The following CCDC97 variants were observed in gnomAD, a reference collection of about 807,000 sequenced individuals.
CCDC97 encodes coiled-coil domain containing 97.
In CCDC97, 27 loss-of-function variants were observed where a neutral mutation model predicts 33.9. The ratio of observed to expected loss-of-function variants is 0.80; its 90% CI spans 0.59 to 1.10. CCDC97 has a LOEUF of 1.10. CCDC97 is among the 50% of genes least tolerant of loss of function. The pLI, the probability that CCDC97 is intolerant of heterozygous loss-of-function variation, is 0.00. For synonymous variants in CCDC97, 217 were observed against 194.0 expected (o/e 1.12, Z -0.99); for missense variants, 422 against 476.6 (o/e 0.89, Z 1.07).
In CCDC97 at chr19:41,316,384, G is replaced by A; in HGVS notation, c.47G>A (p.Gly16Asp). The change falls in exon 2 of 5, where the codon GGC becomes GAC. Residue 16 changes from glycine (G) to aspartate (D), a missense_variant and splice_region_variant. By Grantham distance (94) the Gly-to-Asp change is moderately conservative. Coordinates refer to ENST00000269967, the MANE Select transcript of CCDC97 (RefSeq NM_052848.3). ...TATAAKEPDK[G>D]CIEPGPGHWG... ...ACTAACCAATCTCTCCTTTCCTCAG[G>A]CTGCATAGAGCCTGGACCTGGGCAC... 1.2e-6 allele frequency: 2 copies of A among 1,606,694 alleles called. No individual in the cohort carries two copies. Among genetic ancestry groups the A allele is most frequent in the South Asian group, 1.1e-5 (1 of 90,780 alleles).
chr19:41,312,191 C>G (rs2037693695), intron 1 of CCDC97, among the ~76,000 whole-genome samples: 1 of 152,142 alleles, frequency 6.6e-6, no homozygotes, highest in Non-Finnish European at 1.5e-5. Context: ...TCAAGTGATT[C>G]CCGTGCCTCA....
chr19:41,322,216 A>G lies in CCDC97; in HGVS notation c.912-379A>G, dbSNP rs1349362704. On this transcript the variant is annotated intron_variant, in intron 4 of 4. Transcript: ENST00000269967. ...TGAAGTGAGCCTCCCGCCTCAGCCAACTGAGTAAGCTGGGACTACAGGTGC... is the reference window on the plus strand; with the variant it reads ...TGAAGTGAGCCTCCCGCCTCAGCCAGCTGAGTAAGCTGGGACTACAGGTGC... Among the ~76,000 whole-genome samples the G allele has an allele frequency of 2.0e-5, 3 of 152,102 alleles. No individual in the cohort carries two copies. The East Asian group carries it at 5.8e-4, about 29-fold the overall frequency.
Position 41,320,332 on chromosome 19 carries a change from C to T in CCDC97, c.782-9C>T. The T allele has an allele frequency of 6.2e-7, 1 of 1,613,700 alleles. No homozygotes were observed. Among genetic ancestry groups the T allele is most frequent in the African/African-American group, 1.3e-5 (1 of 75,046 alleles). On this transcript the variant is annotated splice_polypyrimidine_tract_variant and intron_variant, in intron 3 of 4. Coordinates refer to ENST00000269967, the MANE Select transcript of CCDC97 (RefSeq NM_052848.3). ...CCGCATTCACACCCCCTCTCCTCTC[C>T]CTCTGCAGACCAGAGGTCAGGCAAG...
intron 1 of CCDC97, among the ~76,000 whole-genome samples, chr19:41,316,045 G>A (rs1484373063): frequency 6.6e-6 from 1 of 151,762 alleles, no homozygotes; most frequent in Non-Finnish European, 1.5e-5. Context: ...AGTGAGCTGT[G>A]ATTGCGCCCT....
rs575323158 is a variant in CCDC97, at chr19:41,319,579, G to T, written c.508G>T (p.Glu170Ter). 1 of 1,596,302 alleles carries T rather than the reference G, an allele frequency of 6.3e-7. No homozygotes were observed. The highest frequency in any genetic ancestry group is 1.3e-5 in the African/African-American group (1 of 74,714). ...CCTGTCTCTCCTCTGTGCAGGGGGC[G>T]AGTACTTCAGTGATGAGCAGATGCG... is the stretch of plus-strand genomic sequence containing the variant. The part of the protein sequence containing the change: ...AALRELIQGG[E>*]YFSDEQMRFR... Residue 170 changes from glutamate (E) to a stop codon, truncating the protein, a stop_gained, in exon 3 of 5, where the codon GAG (glutamate) becomes TAG (stop). Transcript: ENST00000269967. LOFTEE classifies it high-confidence loss of function.
At chr19:41,310,386 G>A in intron 1 of CCDC97, 30 bp downstream of exon 1, 2 of 1,592,616 alleles carry the variant, frequency 1.3e-6, no homozygotes, top group Non-Finnish European at 1.7e-6. Flanking sequence ...CAGGCGGCGG[G>A]TGGGTGCGGT....
intron 2 of CCDC97, among the ~76,000 whole-genome samples, chr19:41,319,273 A>G (rs2037786656): frequency 6.6e-6 from 1 of 152,134 alleles, no homozygotes; most frequent in African/African-American, 2.4e-5. Context: ...ACGAGTAATC[A>G]CATGCACATG....
chr19:41,316,239 T>G (rs1193793790), intron 1 of CCDC97, 145 bp from the exon 2 acceptor site: 1 of 618,404 alleles, frequency 1.6e-6, no homozygotes, highest in Non-Finnish European at 2.9e-6. Context: ...AAATGTCAAC[T>G]TTTGCTCACT....
intron 1 of CCDC97, among the ~76,000 whole-genome samples, chr19:41,314,472 G>A (rs2037721755): frequency 6.6e-6 from 1 of 152,220 alleles, no homozygotes; most frequent in Admixed American, 6.5e-5. Context: ...GAGTGGTTGG[G>A]TGAACGCATG....
intron 4 of CCDC97, 118 bp from the exon 5 acceptor site, chr19:41,322,477 G>A: frequency 9.2e-7 from 1 of 1,083,604 alleles, no homozygotes; most frequent in Non-Finnish European, 1.3e-6. Flanking sequence ...CCCTTGGGAG[G>A]GTCAGCTCTG....
At chr19:41,321,364 G>A (rs2037823272) in intron 4 of CCDC97, among the ~76,000 whole-genome samples, 2 of 152,260 alleles carry the variant, frequency 1.3e-5, no homozygotes, top group African/African-American at 4.8e-5. Context: ...CATCACTGCT[G>A]TTCCCAAGCC....
chr19:41,310,463 C>A (rs2037669074), intron 1 of CCDC97, 107 bp downstream of exon 1: 10 of 1,517,000 alleles, frequency 6.6e-6, no homozygotes, highest in Admixed American at 4.0e-5. Flanking sequence ...GGGACACCCA[C>A]CCCCCTCAGC....
chr19:41,310,275 G>T lies in CCDC97; in HGVS notation c.-36G>T. The T allele has an allele frequency of 6.3e-7, 1 of 1,578,164 alleles. No homozygotes were observed. Among genetic ancestry groups the T allele is most frequent in the Non-Finnish European group, 8.6e-7 (1 of 1,162,234 alleles). On this transcript the variant is annotated 5_prime_UTR_variant, in exon 1 of 5. Coordinates refer to ENST00000269967, the MANE Select transcript of CCDC97 (RefSeq NM_052848.3). ...CGTGGGCCGGAGGTTAGTGTGCGGGGCCCGCCGGGCGGTTGAAAAGTCCGA... is the reference window on the plus strand; with the variant it reads ...CGTGGGCCGGAGGTTAGTGTGCGGGTCCCGCCGGGCGGTTGAAAAGTCCGA...
chr19:41,319,276 T>C (rs1353092034), intron 2 of CCDC97, among the ~76,000 whole-genome samples: 1 of 152,206 alleles, frequency 6.6e-6, no homozygotes, highest in African/African-American at 2.4e-5. Flanking sequence ...AGTAATCACA[T>C]GCACATGACC....
intron 4 of CCDC97, among the ~76,000 whole-genome samples, chr19:41,321,621 G>T (rs1007816958): frequency 6.6e-6 from 1 of 152,236 alleles, no homozygotes; most frequent in Non-Finnish European, 1.5e-5. Context: ...GGGCCATGAG[G>T]AAAAGTGAAG....
At chr19:41,321,798 A>G (rs1400254757) in intron 4 of CCDC97, among the ~76,000 whole-genome samples, 1 of 152,144 alleles carries the variant, frequency 6.6e-6, no homozygotes, top group Non-Finnish European at 1.5e-5. Flanking sequence ...AAGGGGTCGC[A>G]AGGGGGTAGG....
chr19:41,317,962 A>G (rs2088743464), intron 2 of CCDC97, among the ~76,000 whole-genome samples: 1 of 150,878 alleles, frequency 6.6e-6, no homozygotes, highest in Non-Finnish European at 1.5e-5. Flanking sequence ...GAGGGAGGAG[A>G]ATTACATGAA....
intron 4 of CCDC97, among the ~76,000 whole-genome samples, chr19:41,322,027 G>A (rs2037829857): frequency 6.6e-6 from 1 of 152,238 alleles, no homozygotes; most frequent in Non-Finnish European, 1.5e-5. Context: ...TCTTTGTTGA[G>A]AGCCACTGCC....
In CCDC97 at chr19:41,310,207, A is replaced by G. The variant is rs2037662646; in HGVS notation, c.-104A>G. 6.7e-7 allele frequency: 1 copy of G among 1,488,382 alleles called. No individual in the cohort carries two copies. Among genetic ancestry groups the G allele is most frequent in the Non-Finnish European group, 9.1e-7 (1 of 1,093,202 alleles). The allele number at this position is 1,488,382 out of a possible 1,614,324, so 92.2% of individuals were successfully genotyped here. The stretch of plus-strand genomic sequence containing the variant: ...CTTCGGTGCCTGGGCGCAGCGGTGC[A>G]CCCGGACCCGGAACATTCTCAGGCG... On this transcript the variant is annotated 5_prime_UTR_variant, in exon 1 of 5. Coordinates refer to ENST00000269967, the MANE Select transcript of CCDC97 (RefSeq NM_052848.3).
Sources: gnomAD v4.1 joint callset for allele counts (sites outside exome capture counted in the v4.1 genomes callset) on GRCh38, gnomAD v4.1.1 for gene constraint, MANE v1.5 for transcripts, NCBI Gene and HGNC (gene_info 2026-07-23, HGNC 2026-07-21) for gene names.